SEMA6B: variants seen among roughly 807,000 people sequenced by gnomAD.
SEMA6B encodes semaphorin 6B, also known as semaphorin-6B.
Under a neutral mutation model 78.6 loss-of-function variants are expected in SEMA6B, and 47 were observed. The ratio of observed to expected loss-of-function variants is 0.60; its 90% CI spans 0.47 to 0.76. The LOEUF (loss-of-function observed/expected upper bound fraction) is 0.76. Among genes scored for constraint, SEMA6B ranks in the 30% least tolerant of loss-of-function variants. The pLI is 0.00. For missense variants in SEMA6B, 1,213 were observed against 1,269.9 expected (o/e 0.96, Z 0.68); for synonymous variants, 632 against 592.2 (o/e 1.07, Z -0.98).
rs751646514 is a variant in SEMA6B, at chr19:4,544,963, T to G, written c.1739-434A>C. Among the ~76,000 whole-genome samples the G allele has an allele frequency of 1.3e-5, 2 of 151,862 alleles. No homozygotes were observed. Among genetic ancestry groups the G allele is most frequent in the Non-Finnish European group, 2.9e-5 (2 of 67,972 alleles). On this transcript the variant is annotated intron_variant, in intron 16 of 16. Coordinates refer to ENST00000586582, the MANE Select transcript of SEMA6B (RefSeq NM_032108.4). This position sits in a 1 kb window ranked among gnomAD's most constrained non-coding sequence, Gnocchi z 5.1. Reference sequence around the variant, plus strand: ...TTATTATTTTTTAATTTTTTTTGTTTGTTTGTTTTGAGACAGTCCCCCAGG... The same window carrying G: ...TTATTATTTTTTAATTTTTTTTGTTGGTTTGTTTTGAGACAGTCCCCCAGG...
rs1977562665 is a variant in SEMA6B, at chr19:4,559,566, T to G, written c.-69A>C. Reference sequence around the variant, plus strand: ...ACAGTCCAGGTCCCGGAGCCCCGAATGAGAAGTTCAGCAGCCTCGTCCTTC... The same window carrying G: ...ACAGTCCAGGTCCCGGAGCCCCGAAGGAGAAGTTCAGCAGCCTCGTCCTTC... On this transcript the variant is annotated 5_prime_UTR_variant, in exon 1 of 17. Coordinates refer to ENST00000586582, the MANE Select transcript of SEMA6B (RefSeq NM_032108.4). The G allele has an allele frequency of 1.3e-5, 2 of 152,210 alleles. No homozygotes were observed. Among genetic ancestry groups the G allele is most frequent in the South Asian group, 4.1e-4 (2 of 4,836 alleles). The allele number at this position is 152,210 out of a possible 1,614,324, so 9.4% of individuals were successfully genotyped here.
rs1212447806 is a variant in SEMA6B at position 4,558,859 on chromosome 19, AG to A, written c.-32-371del. On this transcript the variant is annotated intron_variant, in intron 1 of 16. Transcript: ENST00000586582. This position sits in a 1 kb window ranked among gnomAD's most constrained non-coding sequence, Gnocchi z 5.1. Reference sequence around the variant, plus strand: ...TAAAACACAAAAATATTAAACTCAAAGGCTAAAAAAAAAAAGAGTCAAAGGC... The same window carrying A: ...TAAAACACAAAAATATTAAACTCAAAGCTAAAAAAAAAAAGAGTCAAAGGC... 6.6e-6 allele frequency among the ~76,000 whole-genome samples: 1 copy of A among 151,962 alleles called. No individual in the cohort carries two copies. Among genetic ancestry groups the A allele is most frequent in the African/African-American group, 2.4e-5 (1 of 41,414 alleles).
intron 3 of SEMA6B, 148 bp from the exon 4 acceptor site, chr19:4,557,371 C>A (rs1376024803): frequency 3.2e-5 from 20 of 618,154 alleles, no homozygotes; most frequent in Admixed American, 6.1e-5. Flanking sequence ...CGACCACACC[C>A]CCCCAAGGGC....
Position 4,544,334 on chromosome 19 carries a change from C to A in SEMA6B, c.1934G>T (p.Gly645Val). Reference protein sequence around the residue: ...DKEAILAHGAGEAVLSVSRLG... With the variant: ...DKEAILAHGAVEAVLSVSRLG... ...GCGGCTGACGCTCAGCACCGCCTCGCCCGCCCCGTGCGCCAGGATGGCCTC... is the reference window on the plus strand; with the variant it reads ...GCGGCTGACGCTCAGCACCGCCTCGACCGCCCCGTGCGCCAGGATGGCCTC... The change falls in exon 17 of 17, where the codon GGC (glycine) becomes GTC (valine). Residue 645 changes from glycine (G) to valine (V), a missense_variant. Transcript: ENST00000586582. The surrounding 1 kb of genome is among the most constrained non-coding windows in gnomAD (Gnocchi z 5.1). 1 of 1,527,812 alleles carries A rather than the reference C, an allele frequency of 6.5e-7. No homozygotes were observed. Among genetic ancestry groups the A allele is most frequent in the Non-Finnish European group, 8.8e-7 (1 of 1,141,996 alleles). 94.6% of individuals were successfully genotyped at this position (1,527,812 alleles called of 1,614,324 possible).
chr19:4,555,093 C>T lies in SEMA6B; in HGVS notation c.565G>A (p.Gly189Arg), dbSNP rs766071186. 2.4e-5 allele frequency: 39 copies of T among 1,613,402 alleles called. No individual in the cohort carries two copies. The Admixed American group carries it at 3.0e-4, about 12-fold the overall frequency. ...GTAACAGTAGCTGTGAAGAGCATCCCGTCTGGATGGGGTGGGTGGGGAAGG... is the reference window on the plus strand; with the variant it reads ...GTAACAGTAGCTGTGAAGAGCATCCTGTCTGGATGGGGTGGGTGGGGAAGG... ...KHANVALFSDGMLFTATVTDF... is the reference protein window; with the variant it reads ...KHANVALFSDRMLFTATVTDF... The change falls in exon 8 of 17, where the codon GGG becomes AGG. Residue 189 changes from glycine (G) to arginine (R), a missense_variant and splice_region_variant. Physicochemically the swap from Gly to Arg is moderately radical, Grantham distance 125. Transcript: ENST00000586582. This position sits in a 1 kb window ranked among gnomAD's most constrained non-coding sequence, Gnocchi z 6.1.
At chr19:4,546,370 C>T in intron 15 of SEMA6B, 22 bp downstream of exon 15, 2 of 1,584,716 alleles carry the variant, frequency 1.3e-6, no homozygotes, top group Non-Finnish European at 1.7e-6. Context: ...CACCCTCCAC[C>T]CACCTCCCTC....
chr19:4,546,781 T>A (rs1418118661), intron 14 of SEMA6B, among the ~76,000 whole-genome samples: 4 of 151,120 alleles, frequency 2.6e-5, no homozygotes, highest in Non-Finnish European at 5.9e-5. Flanking sequence ...CGCGCCACCA[T>A]ACTTAGCTAA....
In SEMA6B at chr19:4,543,401, C is replaced by T. The variant is rs912296134; in HGVS notation, c.*200G>A. 6 of 286,062 alleles carry T rather than the reference C, an allele frequency of 2.1e-5. No individual in the cohort carries two copies. Among genetic ancestry groups the T allele is most frequent in the Non-Finnish European group, 3.9e-5 (6 of 155,360 alleles). The allele number at this position is 286,062 out of a possible 1,614,324, so 17.7% of individuals were successfully genotyped here. A position where few individuals can be genotyped will look rare whatever the true frequency, so the allele number is the denominator to read the frequency against. ...CCGCCCACCCACCCCCAAACCGTCTCAGCGTCCTGCGGCCCCGGGTAGGGG... is the reference window on the plus strand; with the variant it reads ...CCGCCCACCCACCCCCAAACCGTCTTAGCGTCCTGCGGCCCCGGGTAGGGG... On this transcript the variant is annotated 3_prime_UTR_variant, in exon 17 of 17. Transcript: ENST00000586582.
Position 4,555,960 on chromosome 19 carries a change from CTGGGGCGCAGGG to C in SEMA6B, c.471+16_471+27del, listed in dbSNP as rs1977456834. The C allele has an allele frequency of 6.3e-7, 1 of 1,580,862 alleles. No homozygotes were observed. The highest frequency in any genetic ancestry group is 1.3e-5 in the African/African-American group (1 of 74,300). On this transcript the variant is annotated intron_variant, in intron 6 of 16. Coordinates refer to ENST00000586582, the MANE Select transcript of SEMA6B (RefSeq NM_032108.4). The surrounding 1 kb of genome is among the most constrained non-coding windows in gnomAD (Gnocchi z 6.1). ...GCGAGCAGAGGCCTGGAGGTTGGAC[CTGGGGCGCAGGG>C]AGTCTGAAGACTCACGCTGTAGTTG...
Position 4,543,702 on chromosome 19 carries a change from G to T in SEMA6B, c.2566C>A (p.Pro856Thr). 1 of 1,229,810 alleles carries T rather than the reference G, an allele frequency of 8.1e-7. No homozygotes were observed. Among genetic ancestry groups the T allele is most frequent in the Non-Finnish European group, 1.0e-6 (1 of 986,662 alleles). 76.2% of individuals were successfully genotyped at this position (1,229,810 alleles called of 1,614,324 possible). ...THTFNSGEAR[P>T]GDRHRGCHAR... ...TGGCAGCCGCGGTGGCGGTCCCCAGGCCGGGCCTCGCCGCTGTTGAACGTG... is the reference window on the plus strand; with the variant it reads ...TGGCAGCCGCGGTGGCGGTCCCCAGTCCGGGCCTCGCCGCTGTTGAACGTG... The change falls in exon 17 of 17, where the codon CCT (proline) becomes ACT (threonine). Residue 856 changes from proline to threonine, a missense_variant. Coordinates refer to ENST00000586582, the MANE Select transcript of SEMA6B (RefSeq NM_032108.4).
intron 14 of SEMA6B, 131 bp from the exon 15 acceptor site, chr19:4,546,600 G>A: frequency 2.5e-6 from 1 of 395,598 alleles, no homozygotes; most frequent in Non-Finnish European, 4.3e-6. Flanking sequence ...TAATTTTTGA[G>A]ACGGAATTTC....
In SEMA6B at chr19:4,544,940, A is replaced by T. The variant is rs1977126978; in HGVS notation, c.1739-411T>A. On this transcript the variant is annotated intron_variant, in intron 16 of 16. Coordinates refer to ENST00000586582, the MANE Select transcript of SEMA6B (RefSeq NM_032108.4). This position sits in a 1 kb window ranked among gnomAD's most constrained non-coding sequence, Gnocchi z 5.1. The stretch of plus-strand genomic sequence containing the variant: ...AGCCACCACGACTGGCCTTATTTTT[A>T]TTATTTTTTAATTTTTTTTGTTTGT... Among the ~76,000 whole-genome samples the T allele has an allele frequency of 6.6e-6, 1 of 151,468 alleles. No homozygotes were observed. Among genetic ancestry groups the T allele is most frequent in the Admixed American group, 6.6e-5 (1 of 15,210 alleles).
rs1480903877 is a variant in SEMA6B at position 4,543,776 on chromosome 19, C to A, written c.2492G>T (p.Arg831Met). The change falls in exon 17 of 17, where the codon AGG becomes ATG. Residue 831 changes from arginine (R) to methionine (M), a missense_variant. Arg to Met is a moderately conservative substitution (Grantham distance 91). Coordinates refer to ENST00000586582, the MANE Select transcript of SEMA6B (RefSeq NM_032108.4). The part of the protein sequence containing the change: ...WSPPPTGSLR[R>M]PLGPHAPPAA... ...CGGAGGGGCGTGGGGGCCCAGTGGC[C>A]TCCTCAGGCTGCCCGTCGGGGGCGG... The A allele has an allele frequency of 1.1e-5, 13 of 1,222,112 alleles. No homozygotes were observed. The highest frequency in any genetic ancestry group is 1.6e-5 in the African/African-American group (1 of 63,470). 75.7% of individuals were successfully genotyped at this position (1,222,112 alleles called of 1,614,324 possible).
chr19:4,543,740 A>G lies in SEMA6B; in HGVS notation c.2528T>C (p.Leu843Pro), dbSNP rs1977083349. ...LGPHAPPAAT[L>P]RRTHTFNSGE... ...GCTGTTGAACGTGTGGGTGCGGCGCAGGGTGGCGGCCGGAGGGGCGTGGGG... is the reference window on the plus strand; with the variant it reads ...GCTGTTGAACGTGTGGGTGCGGCGCGGGGTGGCGGCCGGAGGGGCGTGGGG... Residue 843 changes from leucine to proline, a missense_variant, in exon 17 of 17, where the codon CTG (leucine) becomes CCG (proline). Coordinates refer to ENST00000586582, the MANE Select transcript of SEMA6B (RefSeq NM_032108.4). 4.2e-5 allele frequency: 51 copies of G among 1,227,320 alleles called. No individual in the cohort carries two copies. Among genetic ancestry groups the G allele is most frequent in the Non-Finnish European group, 5.0e-5 (49 of 985,236 alleles). The allele number at this position is 1,227,320 out of a possible 1,614,324, so 76.0% of individuals were successfully genotyped here. A position where few individuals can be genotyped will look rare whatever the true frequency, so the allele number is the denominator to read the frequency against.
Position 4,558,191 on chromosome 19 carries a change from G to A in SEMA6B, c.122-42C>T. 1 of 1,391,008 alleles carries A rather than the reference G, an allele frequency of 7.2e-7. No individual in the cohort carries two copies. The highest frequency in any genetic ancestry group is 2.7e-5 in the Admixed American group (1 of 37,412). 86.2% of individuals were successfully genotyped at this position (1,391,008 alleles called of 1,614,324 possible). ...AGAGGGGTGTGAGCAAGGGCTGGGG[G>A]TGAAGAGAGGGTGGCCTGAGGTCAT... On this transcript the variant is annotated intron_variant, in intron 2 of 16. Transcript: ENST00000586582. The surrounding 1 kb of genome is among the most constrained non-coding windows in gnomAD (Gnocchi z 5.1).
At chr19:4,556,116 G>A (rs1465253893) in intron 5 of SEMA6B, 27 bp from the exon 6 acceptor site, 1 of 1,542,424 alleles carries the variant, frequency 6.5e-7, no homozygotes, top group Admixed American at 1.7e-5. Context: ...AGGAAGCGGG[G>A]AGCGCGATGT....
At chr19:4,548,868 C>T (rs1977243380) in intron 12 of SEMA6B, among the ~76,000 whole-genome samples, 2 of 152,344 alleles carry the variant, frequency 1.3e-5, no homozygotes, top group South Asian at 4.1e-4. Flanking sequence ...CAGAGTCTCA[C>T]TCTGTTGCCC....
rs1055352167 is a variant in SEMA6B at position 4,555,797 on chromosome 19, G to A, written c.471+191C>T. On this transcript the variant is annotated intron_variant, in intron 6 of 16. Transcript: ENST00000586582. The surrounding 1 kb of genome is among the most constrained non-coding windows in gnomAD (Gnocchi z 6.1). ...TTACCTAAGTAGCTACGGCTTCCCC[G>A]GCCCCCTGTACAGGCCTCGTTTGGA... is the stretch of plus-strand genomic sequence containing the variant. Among the ~76,000 whole-genome samples the A allele has an allele frequency of 2.6e-5, 4 of 152,134 alleles. No individual in the cohort carries two copies. Among genetic ancestry groups the A allele is most frequent in the African/African-American group, 2.4e-5 (1 of 41,424 alleles).
intron 14 of SEMA6B, among the ~76,000 whole-genome samples, chr19:4,547,200 G>A (rs1360273033): frequency 4.6e-5 from 7 of 151,624 alleles, no homozygotes; most frequent in Non-Finnish European, 7.4e-5. Context: ...CGAACTCCTC[G>A]GCTCAAGGAG....
Sources: allele counts gnomAD v4.1 joint callset (sites outside exome capture counted in the v4.1 genomes callset), GRCh38; gene constraint gnomAD v4.1.1; non-coding constraint Gnocchi (gnomAD v3.1); transcripts MANE v1.5; gene names NCBI Gene and HGNC (gene_info 2026-07-23, HGNC 2026-07-21).